UBE2E2: variants seen among roughly 807,000 people sequenced by gnomAD.
The protein encoded by UBE2E2 is ubiquitin-conjugating enzyme E2 E2.
UBE2E2 carries 6 observed loss-of-function variants against 24.7 expected under a neutral mutation model. That is an observed-to-expected ratio of 0.24 (90% confidence interval 0.13 to 0.48). The LOEUF (loss-of-function observed/expected upper bound fraction) is 0.48. Among genes scored for constraint, UBE2E2 ranks in the 20% least tolerant of loss-of-function variants. The probability of loss-of-function intolerance (pLI) is 0.99; values close to 1 mark genes in which losing one functional copy is unlikely to be tolerated. For missense variants in UBE2E2, 169 were observed against 245.0 expected (o/e 0.69, Z 2.07); for synonymous variants, 104 against 83.6 (o/e 1.24, Z -1.33).
At chr3:23,351,030 C>T (rs1695732505) in intron 3 of UBE2E2, among the ~76,000 whole-genome samples, 1 of 152,216 alleles carries the variant, frequency 6.6e-6, no homozygotes, top group Admixed American at 6.5e-5. Context: ...AGACTAACAG[C>T]AGATCTCTCG....
chr3:23,437,033 A>C (rs923454779), intron 3 of UBE2E2, among the ~76,000 whole-genome samples: 1 of 152,248 alleles, frequency 6.6e-6, no homozygotes, highest in Non-Finnish European at 1.5e-5. Flanking sequence ...CATAGAACCC[A>C]GACTCCTAAC....
At chr3:23,503,220 C>T (rs1439391245) in intron 4 of UBE2E2, among the ~76,000 whole-genome samples, 1 of 149,430 alleles carries the variant, frequency 6.7e-6, no homozygotes, top group African/African-American at 2.5e-5. Context: ...AGATAGAGTT[C>T]GCTCTTTTGC....
chr3:23,467,319 G>T (rs986404314), intron 3 of UBE2E2, among the ~76,000 whole-genome samples: 3 of 152,154 alleles, frequency 2.0e-5, no homozygotes, highest in African/African-American at 7.2e-5. Flanking sequence ...TAACTTGAAT[G>T]GCTAAGATTC....
chr3:23,396,453 C>T (rs762643414), intron 3 of UBE2E2, among the ~76,000 whole-genome samples: 31 of 151,252 alleles, frequency 2.0e-4, no homozygotes, highest in Non-Finnish European at 4.0e-4. Flanking sequence ...CATGTATATA[C>T]ACATACATAC....
chr3:23,373,167 A>G (rs1200876236), intron 3 of UBE2E2, among the ~76,000 whole-genome samples: 3 of 152,186 alleles, frequency 2.0e-5, no homozygotes, highest in Non-Finnish European at 4.4e-5. Flanking sequence ...GTAGAATCCT[A>G]GTGAACTTAA....
intron 3 of UBE2E2, among the ~76,000 whole-genome samples, chr3:23,384,528 T>A (rs530785685): frequency 3.3e-5 from 5 of 152,176 alleles, no homozygotes; most frequent in Non-Finnish European, 7.4e-5. Flanking sequence ...TTTGGACATT[T>A]GATGTAATTT....
At chr3:23,472,330 ATGAAAAACAAAT>A (rs1165248386) in intron 3 of UBE2E2, among the ~76,000 whole-genome samples, 1 of 152,332 alleles carries the variant, frequency 6.6e-6, no homozygotes, top group East Asian at 1.9e-4. Flanking sequence ...GACAACCAAA[ATGAAAAACAAAT>A]TGTAGAGACA....
intron 3 of UBE2E2, among the ~76,000 whole-genome samples, chr3:23,279,945 T>C (rs2125370576): frequency 6.6e-6 from 1 of 152,358 alleles, no homozygotes; most frequent in Admixed American, 6.5e-5. Context: ...TTGTCTGTCA[T>C]CTAGGGGTAC....
chr3:23,247,379 G>A (rs956915136), intron 3 of UBE2E2, among the ~76,000 whole-genome samples: 3 of 146,736 alleles, frequency 2.0e-5, no homozygotes, highest in Non-Finnish European at 3.0e-5. Context: ...TTTTTGAGAC[G>A]GAGTCTCGCT....
intron 2 of UBE2E2, among the ~76,000 whole-genome samples, chr3:23,209,800 C>T (rs1696267424): frequency 6.6e-6 from 1 of 152,118 alleles, no homozygotes; most frequent in African/African-American, 2.4e-5. Context: ...TGGAAAGAAC[C>T]TTCTCAGGAC....
In UBE2E2 at chr3:23,417,426, C is replaced by T. The variant is rs755649185; in HGVS notation, c.228-82182C>T. Among the ~76,000 whole-genome samples the T allele has an allele frequency of 1.1e-4, 17 of 152,330 alleles. No homozygotes were observed. In the South Asian group the frequency reaches 2.7e-3, roughly 24 times the overall value. The stretch of plus-strand genomic sequence containing the variant: ...TGCCTGTTCCTTCCTCTGGAAGCTT[C>T]ATCCCAGAGGGGCACCTGCCAGATG... On this transcript the variant is annotated intron_variant, in intron 3 of 5. Transcript: ENST00000396703.
intron 3 of UBE2E2, among the ~76,000 whole-genome samples, chr3:23,498,681 T>C (rs938400487): frequency 6.6e-6 from 1 of 152,184 alleles, no homozygotes; most frequent in African/African-American, 2.4e-5. Context: ...TTGCAACTCA[T>C]TTAAAAATAC....
At chr3:23,470,323 C>T (rs955088080) in intron 3 of UBE2E2, among the ~76,000 whole-genome samples, 1 of 152,146 alleles carries the variant, frequency 6.6e-6, no homozygotes, top group Non-Finnish European at 1.5e-5. Flanking sequence ...AGATCCTCCC[C>T]CCAATCCGGG....
intron 5 of UBE2E2, among the ~76,000 whole-genome samples, chr3:23,570,628 T>C (rs1011259466): frequency 2.0e-5 from 3 of 152,192 alleles, no homozygotes; most frequent in African/African-American, 7.2e-5. Context: ...CAGAAAGGCA[T>C]TGATATTTGC....
At position 23,347,785 on chromosome 3, in the gene UBE2E2, T is replaced by A. The variant is rs927616622; in HGVS notation, c.227+130473T>A. Among the ~76,000 whole-genome samples the A allele has an allele frequency of 1.4e-4, 22 of 152,110 alleles. 1 individual carries two copies. Among genetic ancestry groups the A allele is most frequent in the Non-Finnish European group, 2.9e-5 (2 of 68,038 alleles). ...AATCTCCCTCTCACCAACTACTACT[T>A]CTGTGTCTCAATTTGTCATTAAATC... On this transcript the variant is annotated intron_variant, in intron 3 of 5. Transcript: ENST00000396703.
chr3:23,342,249 A>T (rs1444017982), intron 3 of UBE2E2, among the ~76,000 whole-genome samples: 2 of 151,684 alleles, frequency 1.3e-5, no homozygotes, highest in Admixed American at 6.6e-5. Context: ...CAGTGGCACA[A>T]TCATGGCTCA....
chr3:23,499,828 G>A (rs1699681576), intron 4 of UBE2E2, 88 bp downstream of exon 4: 6 of 1,441,880 alleles, frequency 4.2e-6, no homozygotes, highest in African/African-American at 1.4e-5. Flanking sequence ...TTCTAGGGAT[G>A]CATGTCTATT....
intron 1 of UBE2E2, 58 bp from the exon 2 acceptor site, chr3:23,208,634 T>C (rs1317399749): frequency 3.0e-6 from 4 of 1,355,722 alleles, no homozygotes; most frequent in East Asian, 2.5e-5. Context: ...TTCTCTGTGT[T>C]CTGGAGGTAG....
At chr3:23,299,510 C>A (rs1000444749) in intron 3 of UBE2E2, among the ~76,000 whole-genome samples, 12 of 152,070 alleles carry the variant, frequency 7.9e-5, no homozygotes, top group African/African-American at 2.4e-4. Flanking sequence ...TTTCAAAGAA[C>A]ATCTTTATTT....
Sources: allele counts gnomAD v4.1 joint callset (sites outside exome capture counted in the v4.1 genomes callset), GRCh38; gene constraint gnomAD v4.1.1; transcripts MANE v1.5; gene names NCBI Gene and HGNC (gene_info 2026-07-23, HGNC 2026-07-21).